Variants in ITGA4 observed in about 807,000 individuals in gnomAD.
ITGA4 encodes the protein integrin subunit alpha 4.
Under a neutral mutation model 133.6 loss-of-function variants are expected in ITGA4, and 63 were observed. The observed-to-expected ratio is 0.47, with a 90% CI of 0.38 to 0.58. The LOEUF (loss-of-function observed/expected upper bound fraction) is 0.58. Ranked by LOEUF, ITGA4 falls within the 20% of genes least tolerant of loss-of-function variation. The probability of loss-of-function intolerance (pLI) is 0.00; values close to 1 mark genes in which losing one functional copy is unlikely to be tolerated. For synonymous variants in ITGA4, 483 were observed against 438.0 expected (o/e 1.10, Z -1.28); for missense variants, 1,076 against 1,252.7 (o/e 0.86, Z 2.13).
At chr2:181,514,558 T>C (rs1686569936) in intron 17 of ITGA4, among the ~76,000 whole-genome samples, 5 of 152,114 alleles carry the variant, frequency 3.3e-5, no homozygotes, top group Admixed American at 3.3e-4. Flanking sequence ...CTTAGTTGAA[T>C]AACTTATAAT....
chr2:181,503,565 CTTTTTTT>C (rs147081320), intron 15 of ITGA4, among the ~76,000 whole-genome samples: 42 of 101,752 alleles, frequency 4.1e-4, no homozygotes, highest in Non-Finnish European at 4.4e-4. Context: ...AAGAAATTGT[CTTTTTTT>C]TTTTTTTTTT....
chr2:181,505,082 C>G (rs887143488), intron 15 of ITGA4, among the ~76,000 whole-genome samples: 3 of 151,888 alleles, frequency 2.0e-5, no homozygotes, highest in African/African-American at 7.3e-5. Flanking sequence ...GCCTCCCCAG[C>G]CCCTTTTATG....
At chr2:181,498,979 T>C (rs565848368) in intron 15 of ITGA4, 2 of 606,358 alleles carry the variant, frequency 3.3e-6, no homozygotes, top group African/African-American at 2.0e-5. Flanking sequence ...TCATCCTTTT[T>C]CACATTTATC....
At chr2:181,507,330 A>C (rs1418041905) in intron 15 of ITGA4, among the ~76,000 whole-genome samples, 1 of 152,092 alleles carries the variant, frequency 6.6e-6, no homozygotes, top group Non-Finnish European at 1.5e-5. Flanking sequence ...TCTCATCGAC[A>C]TGTCTTACTT....
intron 17 of ITGA4, among the ~76,000 whole-genome samples, chr2:181,520,791 G>A (rs1028901270): frequency 1.3e-5 from 2 of 152,066 alleles, no homozygotes; most frequent in Non-Finnish European, 2.9e-5. Flanking sequence ...CTCTAGGAAG[G>A]AGTGAAGTGT....
At position 181,495,482 on chromosome 2, in the gene ITGA4, G is replaced by A. The variant is rs997147821; in HGVS notation, c.1385+66G>A. On this transcript the variant is annotated intron_variant, in intron 13 of 27. Coordinates refer to ENST00000397033, the MANE Select transcript of ITGA4 (RefSeq NM_000885.6). This position sits in a 1 kb window ranked among gnomAD's most constrained non-coding sequence, Gnocchi z 4.3. ...TAATTGTAAAATGATGGGAGGTGGT[G>A]TTTAAAATCAGCAGTGGTAGTGACC... is the stretch of plus-strand genomic sequence containing the variant. 3 of 1,189,070 alleles carry A rather than the reference G, an allele frequency of 2.5e-6. No individual in the cohort carries two copies. Among genetic ancestry groups the A allele is most frequent in the South Asian group, 2.4e-5 (2 of 81,754 alleles). The allele number at this position is 1,189,070 out of a possible 1,614,324, so 73.7% of individuals were successfully genotyped here. A position where few individuals can be genotyped will look rare whatever the true frequency, so the allele number is the denominator to read the frequency against.
intron 22 of ITGA4, among the ~76,000 whole-genome samples, chr2:181,528,202 C>A (rs370749227): frequency 1.3e-5 from 2 of 152,206 alleles, no homozygotes; most frequent in South Asian, 2.1e-4. Flanking sequence ...TGGCTTTGCC[C>A]CAAATCTGTG....
rs1686771714 is a variant in ITGA4 at position 181,523,786 on chromosome 2, CT to C, written c.2169+255del. 1.3e-5 allele frequency among the ~76,000 whole-genome samples: 2 copies of C among 152,090 alleles called. No homozygotes were observed. Among genetic ancestry groups the C allele is most frequent in the South Asian group, 2.1e-4 (1 of 4,824 alleles). ...TGTGTCAATCAGAATTCTGCTCCCC[CT>C]ACACACCCTTCCCGAAAACCCCCAC... is the stretch of plus-strand genomic sequence containing the variant. On this transcript the variant is annotated intron_variant, in intron 19 of 27. Coordinates refer to ENST00000397033, the MANE Select transcript of ITGA4 (RefSeq NM_000885.6). This position sits in a 1 kb window ranked among gnomAD's most constrained non-coding sequence, Gnocchi z 4.2.
chr2:181,538,151 A>G lies in ITGA4; in HGVS notation c.*2624A>G. 7.2e-7 allele frequency: 1 copy of G among 1,390,390 alleles called. No individual in the cohort carries two copies. Among genetic ancestry groups the G allele is most frequent in the Middle Eastern group, 2.4e-4 (1 of 4,160 alleles). 86.1% of individuals were successfully genotyped at this position (1,390,390 alleles called of 1,614,324 possible). ...CCACATTTCTTTATATTAAAATTCT[A>G]GTTTGTACATTTCTTTTAGAAACAA... On this transcript the variant is annotated 3_prime_UTR_variant, in exon 28 of 28. Transcript: ENST00000397033.
In ITGA4 at chr2:181,457,628, G is replaced by C; in HGVS notation, c.-27G>C. ...GCAACTTTGGGGTAGTGGCCGTTTA[G>C]TGTTGAATGTTCCCCACCGAGAGCG... On this transcript the variant is annotated 5_prime_UTR_variant, in exon 1 of 28. Transcript: ENST00000397033. 6.9e-6 allele frequency: 11 copies of C among 1,597,952 alleles called. No individual in the cohort carries two copies. Among genetic ancestry groups the C allele is most frequent in the Non-Finnish European group, 9.4e-6 (11 of 1,174,270 alleles).
rs544308243 is a variant in ITGA4 at position 181,494,969 on chromosome 2, A to G, written c.1339+157A>G. 1.2e-4 allele frequency among the ~76,000 whole-genome samples: 18 copies of G among 152,326 alleles called. No homozygotes were observed. In the East Asian group the frequency reaches 3.3e-3, roughly 28 times the overall value. ...TTCTCCTTAATTCATTCCTAAAATGATCAAGTAATTCCTCAGCTTAACAGT... is the reference window on the plus strand; with the variant it reads ...TTCTCCTTAATTCATTCCTAAAATGGTCAAGTAATTCCTCAGCTTAACAGT... On this transcript the variant is annotated intron_variant, in intron 12 of 27. Transcript: ENST00000397033.
intron 2 of ITGA4, among the ~76,000 whole-genome samples, chr2:181,473,769 C>G (rs1322914678): frequency 6.6e-6 from 1 of 152,074 alleles, no homozygotes; most frequent in Non-Finnish European, 1.5e-5. Context: ...GAGTTCAAGA[C>G]CAGTATGGGT....
At chr2:181,464,293 A>G (rs1685359762) in intron 2 of ITGA4, among the ~76,000 whole-genome samples, 1 of 152,124 alleles carries the variant, frequency 6.6e-6, no homozygotes, top group East Asian at 1.9e-4. Context: ...CCTCGGTAAG[A>G]CAAGCTTTAA....
chr2:181,491,638 C>A (rs935288423), intron 10 of ITGA4, among the ~76,000 whole-genome samples: 5 of 152,076 alleles, frequency 3.3e-5, no homozygotes, highest in African/African-American at 1.2e-4. Context: ...ATAGGAAATT[C>A]TAGAGATGTA....
At chr2:181,494,884 A>C in intron 12 of ITGA4, 72 bp downstream of exon 12, 2 of 826,112 alleles carry the variant, frequency 2.4e-6, no homozygotes, top group Non-Finnish European at 4.1e-6. Flanking sequence ...ATAGTGAAGT[A>C]CGTAAAACTG....
At position 181,538,576 on chromosome 2, in the gene ITGA4, C is replaced by T. The variant is rs756991023; in HGVS notation, c.*3049C>T. On this transcript the variant is annotated 3_prime_UTR_variant, in exon 28 of 28. Coordinates refer to ENST00000397033, the MANE Select transcript of ITGA4 (RefSeq NM_000885.6). The stretch of plus-strand genomic sequence containing the variant: ...AGTGTCACAATGCCTACCAAGAATG[C>T]GTTTGCAGGTTCCTAAACCTGTTTA... 6.6e-6 allele frequency among the ~76,000 whole-genome samples: 1 copy of T among 152,100 alleles called. No individual in the cohort carries two copies. Among genetic ancestry groups the T allele is most frequent in the Non-Finnish European group, 1.5e-5 (1 of 67,994 alleles).
chr2:181,490,952 G>A (rs1190749776), intron 10 of ITGA4, among the ~76,000 whole-genome samples: 2 of 152,164 alleles, frequency 1.3e-5, no homozygotes, highest in Non-Finnish European at 1.5e-5. Context: ...TGTATATTGT[G>A]TCCCAAATTA....
rs1687230063 is a variant in ITGA4, at chr2:181,537,741, A to G, written c.*2214A>G. 2.3e-6 allele frequency: 1 copy of G among 442,178 alleles called. No individual in the cohort carries two copies. Among genetic ancestry groups the G allele is most frequent in the African/African-American group, 2.0e-5 (1 of 49,400 alleles). The allele number at this position is 442,178 out of a possible 1,614,324, so 27.4% of individuals were successfully genotyped here. On this transcript the variant is annotated 3_prime_UTR_variant, in exon 28 of 28. Coordinates refer to ENST00000397033, the MANE Select transcript of ITGA4 (RefSeq NM_000885.6). ...TTGTGTGTCCAATAAACACATTGTA[A>G]AAAAAAGAATTTGAATTGATATCTA... is the stretch of plus-strand genomic sequence containing the variant.
At chr2:181,511,643 TATAA>T in intron 16 of ITGA4, 52 bp from the exon 17 acceptor site, 9 of 902,384 alleles carry the variant, frequency 1.0e-5, no homozygotes, top group Middle Eastern at 6.0e-4. Context: ...TTAAAATATA[TATAA>T]ATATACTTGC....
Sources: allele counts gnomAD v4.1 joint callset (sites outside exome capture counted in the v4.1 genomes callset), GRCh38; gene constraint gnomAD v4.1.1; non-coding constraint Gnocchi (gnomAD v3.1); transcripts MANE v1.5; gene names NCBI Gene and HGNC (gene_info 2026-07-23, HGNC 2026-07-21).